Variants in RGS20 observed in about 807,000 individuals in gnomAD.
RGS20 encodes the protein regulator of G protein signaling 20.
Under a neutral mutation model 33.6 loss-of-function variants are expected in RGS20, and 30 were observed. The observed-to-expected ratio is 0.89, with a 90% CI of 0.67 to 1.21. RGS20 has a LOEUF of 1.21. Among genes scored for constraint, RGS20 ranks in the 50% most tolerant of loss-of-function variants. The pLI, the probability that RGS20 is intolerant of heterozygous loss-of-function variation, is 0.00. For synonymous variants in RGS20, 208 were observed against 197.9 expected, an observed-to-expected ratio of 1.05 and a Z score of -0.43; for missense variants, 472 against 502.4, an observed-to-expected ratio of 0.94 and a Z score of 0.58.
intron 2 of RGS20, among the ~76,000 whole-genome samples, chr8:53,892,100 C>G (rs542865521): frequency 1.3e-5 from 2 of 152,034 alleles, no homozygotes; most frequent in African/African-American, 4.8e-5. Flanking sequence ...TCCATGTGTT[C>G]TCATTGTTCA....
Position 53,851,998 on chromosome 8 carries a change from A to G in RGS20, c.99A>G (p.Arg33=). 1 of 1,614,176 alleles carries G rather than the reference A, an allele frequency of 6.2e-7. No homozygotes were observed. The highest frequency in any genetic ancestry group is 8.5e-7 in the Non-Finnish European group (1 of 1,180,002). ...TTCTGCCCCTGTTCAGGGCTCAGAGATATAATACAGACATTCACCAAATCA... is the reference window on the plus strand; with the variant it reads ...TTCTGCCCCTGTTCAGGGCTCAGAGGTATAATACAGACATTCACCAAATCA... The change falls in exon 1 of 6, where the codon AGA becomes AGG. Residue 33 remains arginine, a synonymous_variant. Coordinates refer to ENST00000297313, the MANE Select transcript of RGS20 (RefSeq NM_170587.4).
At chr8:53,942,375 T>G (rs1563422895) in intron 3 of RGS20, among the ~76,000 whole-genome samples, 2 of 151,998 alleles carry the variant, frequency 1.3e-5, no homozygotes, top group Non-Finnish European at 2.9e-5. Context: ...GGAGGATCGC[T>G]TGAGCCCAGG....
chr8:53,865,888 T>G (rs907569384), intron 1 of RGS20, among the ~76,000 whole-genome samples: 5 of 152,338 alleles, frequency 3.3e-5, no homozygotes, highest in Non-Finnish European at 7.3e-5. Flanking sequence ...ATTACAGGCA[T>G]GAACCATTGT....
At chr8:53,911,241 G>C (rs73589216) in intron 2 of RGS20, among the ~76,000 whole-genome samples, 10,686 of 152,200 alleles carry the variant, frequency 0.07, 1,158 homozygotes, top group African/African-American at 0.23. Flanking sequence ...CAGGAGAAAA[G>C]TAAGCCATTT....
At chr8:53,911,979 C>A (rs766881662) in intron 2 of RGS20, among the ~76,000 whole-genome samples, 1 of 151,956 alleles carries the variant, frequency 6.6e-6, no homozygotes, top group Non-Finnish European at 1.5e-5. Flanking sequence ...ACATTTCCAA[C>A]TTTGTTTTAA....
chr8:53,954,025 A>G (rs1450854472), intron 4 of RGS20, 51 bp from the exon 4 acceptor site: 2 of 1,203,998 alleles, frequency 1.7e-6, no homozygotes. Flanking sequence ...AATTCCAATT[A>G]ACTACCACTA....
At chr8:53,908,357 C>T (rs1013459946) in intron 2 of RGS20, among the ~76,000 whole-genome samples, 2 of 152,092 alleles carry the variant, frequency 1.3e-5, no homozygotes, top group African/African-American at 4.8e-5. Flanking sequence ...ATACAGACTG[C>T]TGCTGGGAGC....
intron 4 of RGS20, among the ~76,000 whole-genome samples, chr8:53,951,296 G>C (rs1190377352): frequency 6.6e-6 from 1 of 152,010 alleles, no homozygotes; most frequent in Non-Finnish European, 1.5e-5. Flanking sequence ...ACCAGCCTGA[G>C]CAACATGACA....
At chr8:53,947,489 T>C (rs1038059403) in intron 4 of RGS20, among the ~76,000 whole-genome samples, 4 of 139,036 alleles carry the variant, frequency 2.9e-5, no homozygotes, top group African/African-American at 5.2e-5. Flanking sequence ...CATTTATATA[T>C]GCTATATAGG....
chr8:53,896,460 T>A (rs1207836700), intron 2 of RGS20, among the ~76,000 whole-genome samples: 1 of 152,200 alleles, frequency 6.6e-6, no homozygotes, highest in Non-Finnish European at 1.5e-5. Flanking sequence ...AAGTGTGCAA[T>A]ATGTATGCTC....
chr8:53,855,728 G>C (rs183078610), intron 1 of RGS20, among the ~76,000 whole-genome samples: 1 of 152,144 alleles, frequency 6.6e-6, no homozygotes, highest in Non-Finnish European at 1.5e-5. Flanking sequence ...TTCTGTGCAC[G>C]TGATTTCCTA....
intron 2 of RGS20, among the ~76,000 whole-genome samples, chr8:53,900,004 C>T (rs1812967731): frequency 6.6e-6 from 1 of 152,240 alleles, no homozygotes; most frequent in South Asian, 2.1e-4. Flanking sequence ...CTCAGCTTTG[C>T]CCAGCTATTT....
In RGS20 at chr8:53,954,076, C is replaced by T; in HGVS notation, c.744C>T (p.Ser248=). Reference sequence around the variant, plus strand: ...CCCCTCTCTTTTGGTCTCCACGAAGCCCTGCTCCTACTCTGGAAGAAGTCA... The same window carrying T: ...CCCCTCTCTTTTGGTCTCCACGAAGTCCTGCTCCTACTCTGGAAGAAGTCA... Residue 248 remains serine (S), a splice_region_variant and synonymous_variant, in exon 5 of 6, where the codon AGC becomes AGT. Transcript: ENST00000297313. 1.2e-6 allele frequency: 2 copies of T among 1,611,466 alleles called. No homozygotes were observed. The highest frequency in any genetic ancestry group is 1.7e-6 in the Non-Finnish European group (2 of 1,177,722).
chr8:53,958,711 C>T lies in RGS20; in HGVS notation c.*253C>T. 2 of 197,416 alleles carry T rather than the reference C, an allele frequency of 1.0e-5. No individual in the cohort carries two copies. The highest frequency in any genetic ancestry group is 2.0e-5 in the Non-Finnish European group (2 of 99,812). 12.2% of individuals were successfully genotyped at this position (197,416 alleles called of 1,614,324 possible). ...GATAGCGTATTTGCATTTACAATAA[C>T]AGTAGCATGTTGTCAGTGGCCAAGG... On this transcript the variant is annotated 3_prime_UTR_variant, in exon 6 of 6. Transcript: ENST00000297313.
intron 1 of RGS20, among the ~76,000 whole-genome samples, chr8:53,870,072 G>T (rs937588431): frequency 6.6e-6 from 1 of 152,088 alleles, no homozygotes; most frequent in Non-Finnish European, 1.5e-5. Context: ...TAAAAAAAAT[G>T]GATTCTGTGT....
chr8:53,902,727 G>C (rs1377062811), intron 2 of RGS20, among the ~76,000 whole-genome samples: 4 of 145,766 alleles, frequency 2.7e-5, no homozygotes, highest in African/African-American at 8.5e-5. Flanking sequence ...CAAAATGATT[G>C]GTTCTTTTTT....
At chr8:53,932,899 C>T (rs1814015966) in intron 2 of RGS20, among the ~76,000 whole-genome samples, 1 of 152,174 alleles carries the variant, frequency 6.6e-6, no homozygotes, top group African/African-American at 2.4e-5. Flanking sequence ...GTGGGTGCCC[C>T]TCTGGGATGA....
chr8:53,933,593 A>G (rs1316311321), intron 2 of RGS20: 4 of 152,300 alleles, frequency 2.6e-5, no homozygotes, highest in African/African-American at 9.6e-5. Context: ...AAAGCCTCCA[A>G]GAAATATGGG....
At chr8:53,925,263 A>G (rs1007173841) in intron 2 of RGS20, among the ~76,000 whole-genome samples, 1 of 152,140 alleles carries the variant, frequency 6.6e-6, no homozygotes, top group African/African-American at 2.4e-5. Flanking sequence ...TCCCAATCCC[A>G]TCCTGAATTT....
Sources: gnomAD v4.1 joint callset for allele counts (sites outside exome capture counted in the v4.1 genomes callset) on GRCh38, gnomAD v4.1.1 for gene constraint, MANE v1.5 for transcripts, NCBI Gene and HGNC (gene_info 2026-07-23, HGNC 2026-07-21) for gene names.